The following GABRA3 variants were observed in gnomAD, a reference collection of about 807,000 sequenced individuals.
The protein encoded by GABRA3 is gamma-aminobutyric acid receptor subunit alpha-3.
Under a neutral mutation model 30.1 loss-of-function variants are expected in GABRA3, and 10 were observed. The observed-to-expected ratio is 0.33, with a 90% confidence interval of 0.20 to 0.56. GABRA3 has a LOEUF of 0.56. GABRA3 is among the 20% of genes least tolerant of loss of function. The pLI, the probability that GABRA3 is intolerant of heterozygous loss-of-function variation, is 0.89. For synonymous variants in GABRA3, 151 were observed against 146.8 expected (o/e 1.03, Z -0.21); for missense variants, 233 against 392.0 (o/e 0.59, Z 3.42).
chrX:152,387,003 T>C (rs1172508645), intron 1 of GABRA3, among the ~76,000 whole-genome samples: 1 of 106,843 alleles, frequency 9.4e-6, no homozygotes, highest in African/African-American at 3.4e-5. Flanking sequence ...TGTAGGGACA[T>C]GGATGAAATT....
At chrX:152,224,699 G>A in intron 6 of GABRA3, 64 bp downstream of exon 6, 1 of 825,263 alleles carries the variant, frequency 1.2e-6, no homozygotes, top group Non-Finnish European at 1.8e-6. Context: ...AATATAATAT[G>A]TTAAGTTTCT....
At chrX:152,238,202 AG>A (rs1938270123) in intron 5 of GABRA3, among the ~76,000 whole-genome samples, 1 of 102,893 alleles carries the variant, frequency 9.7e-6, no homozygotes, top group Admixed American at 1.0e-4. Flanking sequence ...TTTATCATGA[AG>A]GGTTGTTGAA....
At position 152,330,616 on chromosome X, in the gene GABRA3, G is replaced by A. The variant is rs750261989; in HGVS notation, c.262+14965C>T. Among the ~76,000 whole-genome samples, 48 of 107,551 alleles carry A rather than the reference G, an allele frequency of 4.5e-4. No individual in the cohort carries two copies. The East Asian group carries it at 7.2e-3, about 16-fold the overall frequency. 93.4% of individuals were successfully genotyped at this position (107,551 alleles called of 115,157 possible). ...TCGCAAGGACAGAAAACCAAACACC[G>A]CATGTTCTCACTCATAGGTGGGAAT... On this transcript the variant is annotated intron_variant, in intron 3 of 9. Transcript: ENST00000370314.
At chrX:152,171,521 C>T (rs1937001226) in intron 9 of GABRA3, 1 of 123,676 alleles carries the variant, frequency 8.1e-6, no homozygotes, top group Non-Finnish European at 1.6e-5. Flanking sequence ...ATTTCTACAC[C>T]TAGTTTTCCA....
intron 3 of GABRA3, among the ~76,000 whole-genome samples, chrX:152,312,706 G>A (rs1282273567): frequency 8.9e-6 from 1 of 111,792 alleles, no homozygotes; most frequent in African/African-American, 3.3e-5. Flanking sequence ...CCTACAGAAT[G>A]GGAAAAATAA....
intron 6 of GABRA3, among the ~76,000 whole-genome samples, chrX:152,212,958 T>C: frequency 9.0e-6 from 1 of 111,004 alleles, no homozygotes; most frequent in Non-Finnish European, 1.9e-5. Context: ...TCTATTTCCA[T>C]AGAGGAGCTG....
chrX:152,197,860 C>G, intron 7 of GABRA3, 75 bp from the exon 8 acceptor site: 1 of 817,125 alleles, frequency 1.2e-6, no homozygotes, highest in Non-Finnish European at 1.8e-6. Context: ...CAATTCAATT[C>G]ACAAAGCTCT....
At chrX:152,234,808 C>A (rs1209369516) in intron 5 of GABRA3, among the ~76,000 whole-genome samples, 1 of 111,646 alleles carries the variant, frequency 9.0e-6, no homozygotes, top group African/African-American at 3.2e-5. Flanking sequence ...TCTGAATTCT[C>A]TACTCTTTTC....
chrX:152,330,592 C>A (rs868650334), intron 3 of GABRA3, among the ~76,000 whole-genome samples: 1 of 109,590 alleles, frequency 9.1e-6, no homozygotes, highest in African/African-American at 3.3e-5. Flanking sequence ...AGCAAACTAT[C>A]GCAAGGACAG....
At chrX:152,284,190 G>T (rs1220564236) in intron 4 of GABRA3, among the ~76,000 whole-genome samples, 1 of 111,495 alleles carries the variant, frequency 9.0e-6, no homozygotes, top group Non-Finnish European at 1.9e-5. Context: ...AAGTGATTTA[G>T]ATTCTTTCTC....
intron 1 of GABRA3, among the ~76,000 whole-genome samples, chrX:152,410,411 G>A (rs1053675985): frequency 9.0e-6 from 1 of 111,546 alleles, no homozygotes; most frequent in Non-Finnish European, 1.9e-5. Flanking sequence ...TGCTTGAGGT[G>A]ATGGGTACCC....
intron 1 of GABRA3, among the ~76,000 whole-genome samples, chrX:152,420,362 A>G (rs990727902): frequency 4.5e-5 from 5 of 111,756 alleles, no homozygotes; most frequent in African/African-American, 6.5e-5. Flanking sequence ...GAAACTACAG[A>G]TAAATTAGTA....
chrX:152,403,873 A>T (rs758053609), intron 1 of GABRA3, among the ~76,000 whole-genome samples: 47 of 111,413 alleles, frequency 4.2e-4, no homozygotes, highest in Non-Finnish European at 6.8e-4. Context: ...AGGTTTTGAA[A>T]AACCAAGATC....
At chrX:152,435,429 G>A (rs1401701631) in intron 1 of GABRA3, among the ~76,000 whole-genome samples, 2 of 111,317 alleles carry the variant, frequency 1.8e-5, no homozygotes, top group African/African-American at 6.5e-5. Flanking sequence ...CAAAGGGTGA[G>A]TTCATGTCCT....
At chrX:152,380,723 G>A (rs1403315063) in intron 1 of GABRA3, among the ~76,000 whole-genome samples, 1 of 111,907 alleles carries the variant, frequency 8.9e-6, no homozygotes, top group Non-Finnish European at 1.9e-5. Flanking sequence ...ATGTACAAGA[G>A]TTCCCTTTTC....
intron 1 of GABRA3, among the ~76,000 whole-genome samples, chrX:152,450,232 C>G (rs1460536803): frequency 9.1e-6 from 1 of 110,262 alleles, no homozygotes; most frequent in Admixed American, 9.8e-5. Flanking sequence ...AACAGCCACC[C>G]TTCCCCCAGT....
At chrX:152,439,501 C>T (rs756550537) in intron 1 of GABRA3, among the ~76,000 whole-genome samples, 2 of 111,172 alleles carry the variant, frequency 1.8e-5, no homozygotes, top group African/African-American at 3.3e-5. Context: ...TACACACTGC[C>T]GGTGGGAATG....
intron 2 of GABRA3, among the ~76,000 whole-genome samples, chrX:152,363,016 G>C (rs1928552841): frequency 8.9e-6 from 1 of 111,847 alleles, no homozygotes. Flanking sequence ...GTAGACAGTT[G>C]GATATAGAAG....
intron 4 of GABRA3, among the ~76,000 whole-genome samples, chrX:152,282,381 G>C (rs1479605016): frequency 9.0e-6 from 1 of 110,499 alleles, no homozygotes; most frequent in Non-Finnish European, 1.9e-5. Flanking sequence ...TGCATCCCTG[G>C]CCCTGGGATC....
Sources: allele counts gnomAD v4.1 joint callset (sites outside exome capture counted in the v4.1 genomes callset), GRCh38; gene constraint gnomAD v4.1.1; transcripts MANE v1.5; gene names NCBI Gene and HGNC (gene_info 2026-07-23, HGNC 2026-07-21).